The following RGS6 variants were observed in gnomAD, a reference collection of about 807,000 sequenced individuals.
RGS6 encodes the protein regulator of G protein signaling 6.
A neutral mutation model predicts 78.5 loss-of-function variants in RGS6; 30 were observed. The observed-to-expected ratio is 0.38, with a 90% CI of 0.29 to 0.52. The LOEUF (loss-of-function observed/expected upper bound fraction) is 0.52, where lower values mean the gene tolerates loss of function less well. RGS6 is among the 20% of genes least tolerant of loss of function. The probability of loss-of-function intolerance (pLI) is 0.85; values close to 1 mark genes in which losing one functional copy is unlikely to be tolerated. For missense variants in RGS6, 495 were observed against 609.7 expected, an observed-to-expected ratio of 0.81 and a Z score of 1.98; for synonymous variants, 206 against 206.0, an observed-to-expected ratio of 1.00 and a Z score of 0.00.
chr14:72,174,680 C>T (rs979546472), intron 2 of RGS6, among the ~76,000 whole-genome samples: 1 of 152,110 alleles, frequency 6.6e-6, no homozygotes, highest in African/African-American at 2.4e-5. Flanking sequence ...TTTTCACCTC[C>T]TGCAAGCTAG....
the RGS6 span, among the ~76,000 whole-genome samples, chr14:72,578,532 C>T: frequency 1.3e-5 from 2 of 152,214 alleles, no homozygotes; most frequent in African/African-American, 4.8e-5. Flanking sequence ...TTAAAAACAT[C>T]TCAGTGGCTC....
the RGS6 span, among the ~76,000 whole-genome samples, chr14:72,610,401 C>T: frequency 6.6e-6 from 1 of 152,192 alleles, no homozygotes; most frequent in Non-Finnish European, 1.5e-5. Context: ...CCAGCGTTCA[C>T]AAATGGAGGC....
intron 2 of RGS6, among the ~76,000 whole-genome samples, chr14:72,302,106 C>G (rs1384483321): frequency 6.6e-6 from 1 of 152,118 alleles, no homozygotes; most frequent in African/African-American, 2.4e-5. Flanking sequence ...CTTCATTATC[C>G]CAACCTCAGC....
chr14:72,471,734 G>A (rs115039167), intron 8 of RGS6, among the ~76,000 whole-genome samples: 2,325 of 152,274 alleles, frequency 0.015, 59 homozygotes, highest in African/African-American at 0.053. Context: ...GCAGCCCCCC[G>A]GGGATAGGCG....
chr14:71,911,263 A>G, the RGS6 span, among the ~76,000 whole-genome samples: 3 of 152,202 alleles, frequency 2.0e-5, no homozygotes, highest in Non-Finnish European at 4.4e-5. Flanking sequence ...CTAGAGGGTA[A>G]CAGTTTGCTA....
chr14:72,435,105 CT>C (rs1555399269), intron 3 of RGS6, among the ~76,000 whole-genome samples: 1 of 152,214 alleles, frequency 6.6e-6, no homozygotes, highest in Non-Finnish European at 1.5e-5. Context: ...TATCTTTCAG[CT>C]AACATAGGCA....
intron 2 of RGS6, among the ~76,000 whole-genome samples, chr14:72,174,714 T>G (rs909462861): frequency 1.3e-5 from 2 of 152,042 alleles, no homozygotes; most frequent in Non-Finnish European, 2.9e-5. Context: ...ACCCACAGAT[T>G]GGAAGGGACT....
chr14:72,254,891 G>A (rs2056729687), intron 2 of RGS6, among the ~76,000 whole-genome samples: 2 of 152,182 alleles, frequency 1.3e-5, no homozygotes, highest in South Asian at 4.1e-4. Context: ...CCTACAGTTA[G>A]TCTCAGAGTT....
At chr14:72,070,836 C>G (rs879764744) in intron 2 of RGS6, among the ~76,000 whole-genome samples, 1 of 152,166 alleles carries the variant, frequency 6.6e-6, no homozygotes. Context: ...TAACTTACTT[C>G]GCAGGGATTG....
chr14:72,407,073 T>G (rs1673989219), intron 3 of RGS6, among the ~76,000 whole-genome samples: 1 of 152,268 alleles, frequency 6.6e-6, no homozygotes, highest in Admixed American at 6.5e-5. Context: ...TTACATACTG[T>G]TCATAATTAA....
intron 2 of RGS6, among the ~76,000 whole-genome samples, chr14:72,247,837 G>T (rs543520334): frequency 6.6e-6 from 1 of 152,206 alleles, no homozygotes; most frequent in Admixed American, 6.5e-5. Context: ...TTCACTGTGG[G>T]ATAACACAAC....
intron 2 of RGS6, among the ~76,000 whole-genome samples, chr14:72,274,790 T>C (rs1483604062): frequency 6.6e-6 from 1 of 152,150 alleles, no homozygotes. Context: ...TCCCAGGGAC[T>C]TCAGAAGGAC....
intron 2 of RGS6, among the ~76,000 whole-genome samples, chr14:72,272,975 G>T (rs572948041): frequency 1.3e-5 from 2 of 152,272 alleles, no homozygotes; most frequent in East Asian, 3.9e-4. Flanking sequence ...AATTAGCAGG[G>T]CGTGGTGGCA....
At chr14:72,170,998 T>C (rs985504907) in intron 2 of RGS6, among the ~76,000 whole-genome samples, 2 of 152,202 alleles carry the variant, frequency 1.3e-5, no homozygotes, top group African/African-American at 2.4e-5. Flanking sequence ...ATTTCCTATA[T>C]TGAGACATCT....
At chr14:72,242,506 A>T (rs1269018586) in intron 2 of RGS6, among the ~76,000 whole-genome samples, 2 of 152,220 alleles carry the variant, frequency 1.3e-5, no homozygotes, top group African/African-American at 4.8e-5. Context: ...TATTTATTTT[A>T]ACATCACAAA....
intron 2 of RGS6, among the ~76,000 whole-genome samples, chr14:72,185,352 G>T (rs2097226010): frequency 6.6e-6 from 1 of 152,092 alleles, no homozygotes; most frequent in South Asian, 2.1e-4. Context: ...GTGACACTCA[G>T]TATTAACCAT....
At chr14:72,070,944 C>A (rs544520417) in intron 2 of RGS6, among the ~76,000 whole-genome samples, 1 of 152,254 alleles carries the variant, frequency 6.6e-6, no homozygotes, top group East Asian at 1.9e-4. Context: ...TCCCTTGTTA[C>A]AACTCATTGA....
intron 2 of RGS6, among the ~76,000 whole-genome samples, chr14:72,197,874 C>CAGG (rs2040562233): frequency 1.3e-5 from 2 of 152,064 alleles, no homozygotes; most frequent in South Asian, 4.2e-4. Context: ...CTGGATCCTC[C>CAGG]AGGTCCAGGT....
intron 2 of RGS6, among the ~76,000 whole-genome samples, chr14:72,072,017 A>G (rs755699496): frequency 1.3e-5 from 2 of 152,180 alleles, no homozygotes; most frequent in African/African-American, 2.4e-5. Flanking sequence ...TTTTAACCTT[A>G]GTACAAATTT....
Sources: gnomAD v4.1 joint callset for allele counts (sites outside exome capture counted in the v4.1 genomes callset) on GRCh38, gnomAD v4.1.1 for gene constraint, MANE v1.5 for transcripts, NCBI Gene and HGNC (gene_info 2026-07-23, HGNC 2026-07-21) for gene names.